The following ADGRL3 variants were observed in gnomAD, a reference collection of about 807,000 sequenced individuals.
ADGRL3 encodes the protein adhesion G protein-coupled receptor L3.
In ADGRL3, 62 loss-of-function variants were observed where a neutral mutation model predicts 153.5. The observed-to-expected ratio is 0.40, with a 90% confidence interval of 0.33 to 0.50. ADGRL3 has a LOEUF of 0.50. Among genes scored for constraint, ADGRL3 ranks in the 20% least tolerant of loss-of-function variants. The probability of loss-of-function intolerance (pLI) is 0.47; values close to 1 mark genes in which losing one functional copy is unlikely to be tolerated. For synonymous variants in ADGRL3, 710 were observed against 672.5 expected (o/e 1.06, Z -0.86); for missense variants, 1,641 against 1,859.4 (o/e 0.88, Z 2.16).
At chr4:61,396,948 A>ATATTAT (rs72231913) in intron 2 of ADGRL3, among the ~76,000 whole-genome samples, 11 of 148,450 alleles carry the variant, frequency 7.4e-5, no homozygotes, top group African/African-American at 2.2e-4. Flanking sequence ...AGTAAGGAAT[A>ATATTAT]TATTATTATT....
chr4:61,428,041 C>T (rs2097304313), intron 2 of ADGRL3: 1 of 152,872 alleles, frequency 6.5e-6, no homozygotes, highest in Non-Finnish European at 1.5e-5. Flanking sequence ...GCTGAGACCA[C>T]ATAGCTGACC....
chr4:61,727,388 G>A (rs2096367043), intron 6 of ADGRL3, among the ~76,000 whole-genome samples: 1 of 151,918 alleles, frequency 6.6e-6, no homozygotes, highest in African/African-American at 2.4e-5. Context: ...AAAATAGTTT[G>A]GAAATTAAAA....
intron 8 of ADGRL3, among the ~76,000 whole-genome samples, chr4:61,777,737 C>T (rs2097169478): frequency 6.6e-6 from 1 of 152,008 alleles, no homozygotes; most frequent in African/African-American, 2.4e-5. Context: ...AAGAGAAGAG[C>T]CTTACTCTAT....
intron 17 of ADGRL3, among the ~76,000 whole-genome samples, chr4:61,966,442 T>A (rs1245700407): frequency 6.6e-6 from 1 of 152,198 alleles, no homozygotes; most frequent in Non-Finnish European, 1.5e-5. Flanking sequence ...TCTGTAAGAA[T>A]GATAAAGTGA....
rs79809062 is a variant in ADGRL3 at position 61,321,041 on chromosome 4, C to T, written c.-239-62083C>T. ...TCTCTCGAGCTCTCTGTTCTATCAC[C>T]TTCTTTCATTTATAAGGGTGATTAC... On this transcript the variant is annotated intron_variant, in intron 1 of 26. Coordinates refer to ENST00000683033, the MANE Select transcript of ADGRL3 (RefSeq NM_001387552.1). 9.6e-3 allele frequency among the ~76,000 whole-genome samples: 1,465 copies of T among 152,228 alleles called. 20 individuals carry two copies. Among genetic ancestry groups the T allele is most frequent in the Middle Eastern group, 0.034 (10 of 294 alleles).
Position 62,071,708 on chromosome 4 carries a change from A to G in ADGRL3, c.*800A>G. 2.3e-6 allele frequency: 1 copy of G among 427,404 alleles called. No individual in the cohort carries two copies. The highest frequency in any genetic ancestry group is 4.6e-6 in the Non-Finnish European group (1 of 217,844). The allele number at this position is 427,404 out of a possible 1,614,324, so 26.5% of individuals were successfully genotyped here. On this transcript the variant is annotated 3_prime_UTR_variant, in exon 27 of 27. Transcript: ENST00000683033. ...AGTTTGTCTACCAGTAAGAGAGCAAAGTTTCCTTCCTTTCTTCTCTTTCTT... is the reference window on the plus strand; with the variant it reads ...AGTTTGTCTACCAGTAAGAGAGCAAGGTTTCCTTCCTTTCTTCTCTTTCTT...
At chr4:61,773,859 G>A (rs1266225793) in intron 8 of ADGRL3, among the ~76,000 whole-genome samples, 1 of 152,144 alleles carries the variant, frequency 6.6e-6, no homozygotes, top group Admixed American at 6.5e-5. Context: ...AACAGATTTT[G>A]TAGAGAAGTG....
chr4:62,066,087 A>T (rs1384475626), intron 25 of ADGRL3, among the ~76,000 whole-genome samples: 1 of 152,070 alleles, frequency 6.6e-6, no homozygotes, highest in Non-Finnish European at 1.5e-5. Context: ...TAATGTTTTG[A>T]TATTTTTTAA....
intron 1 of ADGRL3, among the ~76,000 whole-genome samples, chr4:61,359,510 T>C (rs2096249723): frequency 6.6e-6 from 1 of 152,164 alleles, no homozygotes; most frequent in South Asian, 2.1e-4. Flanking sequence ...CTTTCAGCTC[T>C]TGCCTGAGGG....
At chr4:61,268,478 G>T (rs1191606501) in intron 1 of ADGRL3, among the ~76,000 whole-genome samples, 1 of 151,510 alleles carries the variant, frequency 6.6e-6, no homozygotes, top group Non-Finnish European at 1.5e-5. Context: ...TAATAAAGTT[G>T]TATAAGAATT....
Position 61,736,795 on chromosome 4 carries a change from C to T in ADGRL3, c.1399+3241C>T, listed in dbSNP as rs915674475. 2.6e-5 allele frequency among the ~76,000 whole-genome samples: 4 copies of T among 152,170 alleles called. No individual in the cohort carries two copies. In the South Asian group the frequency reaches 6.2e-4, roughly 24 times the overall value. ...TCCTTTTGAACAACGACAATTAAGA[C>T]TTTGTCTGTTTTACAAATAGTGAAA... On this transcript the variant is annotated intron_variant, in intron 8 of 26. Coordinates refer to ENST00000683033, the MANE Select transcript of ADGRL3 (RefSeq NM_001387552.1).
chr4:61,382,709 T>G (rs1320523113), intron 1 of ADGRL3, among the ~76,000 whole-genome samples: 1 of 151,856 alleles, frequency 6.6e-6, no homozygotes, highest in East Asian at 1.9e-4. Context: ...GCTAAGGTGC[T>G]TCTCAATTTG....
At chr4:61,453,421 A>G (rs1256806682) in intron 2 of ADGRL3, among the ~76,000 whole-genome samples, 3 of 152,142 alleles carry the variant, frequency 2.0e-5, no homozygotes. Flanking sequence ...ATTGATTCCT[A>G]GGGGTAACGA....
intron 4 of ADGRL3, among the ~76,000 whole-genome samples, chr4:61,523,495 G>T (rs2098542724): frequency 6.6e-6 from 1 of 152,042 alleles, no homozygotes; most frequent in African/African-American, 2.4e-5. Flanking sequence ...ACAAGACTTA[G>T]AGTCTAATTG....
At chr4:61,544,157 C>A (rs2098703049) in intron 4 of ADGRL3, among the ~76,000 whole-genome samples, 1 of 152,176 alleles carries the variant, frequency 6.6e-6, no homozygotes, top group Non-Finnish European at 1.5e-5. Flanking sequence ...CAACATTGAC[C>A]ATTCTCCAGA....
chr4:61,933,269 TTTTTTA>T (rs777787153), intron 13 of ADGRL3, among the ~76,000 whole-genome samples: 3 of 152,072 alleles, frequency 2.0e-5, no homozygotes, highest in African/African-American at 7.2e-5. Flanking sequence ...TATCTAAAGT[TTTTTTA>T]TTTTTATTTT....
intron 9 of ADGRL3, among the ~76,000 whole-genome samples, chr4:61,876,793 G>C (rs1373991421): frequency 6.6e-6 from 1 of 151,082 alleles, no homozygotes. Flanking sequence ...CCCTTGTTTA[G>C]CATATCATCA....
chr4:61,851,610 A>AG (rs2098204613), intron 9 of ADGRL3, among the ~76,000 whole-genome samples: 1 of 151,778 alleles, frequency 6.6e-6, no homozygotes, highest in African/African-American at 2.4e-5. Context: ...AAAAAAAAAA[A>AG]AAAAATTGAG....
intron 1 of ADGRL3, among the ~76,000 whole-genome samples, chr4:61,371,494 T>A (rs1440862371): frequency 6.6e-6 from 1 of 151,520 alleles, no homozygotes; most frequent in Non-Finnish European, 1.5e-5. Flanking sequence ...TTATGAAGCT[T>A]AGTTTGGCTG....
Sources: gnomAD v4.1 joint callset for allele counts (sites outside exome capture counted in the v4.1 genomes callset) on GRCh38, gnomAD v4.1.1 for gene constraint, MANE v1.5 for transcripts, NCBI Gene and HGNC (gene_info 2026-07-23, HGNC 2026-07-21) for gene names.